MAGI2: variants seen among roughly 807,000 people sequenced by gnomAD.
The protein encoded by MAGI2 is membrane associated guanylate kinase, WW and PDZ domain containing 2, also known as membrane-associated guanylate kinase, WW and PDZ domain-containing protein 2.
In MAGI2, 35 loss-of-function variants were observed where a neutral mutation model predicts 133.3. The observed-to-expected ratio is 0.26, with a 90% CI of 0.20 to 0.35. The LOEUF (loss-of-function observed/expected upper bound fraction) is 0.35, where lower values mean the gene tolerates loss of function less well. Among genes scored for constraint, MAGI2 ranks in the 10% least tolerant of loss-of-function variants. The pLI is 1.00. For synonymous variants in MAGI2, 729 were observed against 710.6 expected, an observed-to-expected ratio of 1.03 and a Z score of -0.41; for missense variants, 1,636 against 1,863.4, an observed-to-expected ratio of 0.88 and a Z score of 2.25.
intron 1 of MAGI2, among the ~76,000 whole-genome samples, chr7:79,020,871 CCTT>C (rs1388912888): frequency 1.1e-4 from 16 of 152,170 alleles, no homozygotes; most frequent in African/African-American, 3.6e-4. Context: ...CACAGCAGCT[CCTT>C]CCATCACAGG....
At chr7:78,390,240 C>T (rs1047378434) in intron 6 of MAGI2, among the ~76,000 whole-genome samples, 1 of 152,042 alleles carries the variant, frequency 6.6e-6, no homozygotes, top group Non-Finnish European at 1.5e-5. Context: ...ATCATGTTTT[C>T]AGGAAAATAC....
At position 79,382,822 on chromosome 7, in the gene MAGI2, A is replaced by T. The variant is rs1843893583; in HGVS notation, c.301+70198T>A. 2.0e-5 allele frequency among the ~76,000 whole-genome samples: 3 copies of T among 151,466 alleles called. No homozygotes were observed. The Admixed American group carries it at 2.0e-4, about 10-fold the overall frequency. On this transcript the variant is annotated intron_variant, in intron 1 of 21. Transcript: ENST00000354212. ...TCTGGTCAAATTGCTGACCCCTTGA[A>T]CCTTAGGTCTTCTCAGATTATAAAT...
intron 3 of MAGI2, among the ~76,000 whole-genome samples, chr7:78,552,652 T>G (rs1198422918): frequency 2.0e-5 from 3 of 152,176 alleles, no homozygotes; most frequent in African/African-American, 7.2e-5. Context: ...GTAAATTGCT[T>G]ATTTTAAAAA....
chr7:78,374,349 T>C (rs1435035633), intron 6 of MAGI2, among the ~76,000 whole-genome samples: 1 of 152,128 alleles, frequency 6.6e-6, no homozygotes, highest in Non-Finnish European at 1.5e-5. Context: ...TGTTGGCCAC[T>C]TGTATGTCTT....
In MAGI2 at chr7:78,497,766, T is replaced by TCTATCTATCTGTCTGTCTATCTATCTA. The variant is rs1385517709; in HGVS notation, c.965+3810_965+3811insTAGATAGATAGACAGACAGATAGATAG. 2.7e-3 allele frequency among the ~76,000 whole-genome samples: 372 copies of TCTATCTATCTGTCTGTCTATCTATCTA among 135,416 alleles called. 4 individuals are homozygous for TCTATCTATCTGTCTGTCTATCTATCTA. Among genetic ancestry groups the TCTATCTATCTGTCTGTCTATCTATCTA allele is most frequent in the African/African-American group, 9.5e-3 (357 of 37,528 alleles). 88.8% of individuals were successfully genotyped at this position (135,416 alleles called of 152,430 possible). A position where few individuals can be genotyped will look rare whatever the true frequency, so the allele number is the denominator to read the frequency against. On this transcript the variant is annotated intron_variant, in intron 5 of 21. Coordinates refer to ENST00000354212, the MANE Select transcript of MAGI2 (RefSeq NM_012301.4). Reference sequence around the variant, plus strand: ...TATCTATCTATCTATCTATCTATCTTTCTATCTTATACACAGAACCAAAGA... The same window carrying TCTATCTATCTGTCTGTCTATCTATCTA: ...TATCTATCTATCTATCTATCTATCTTCTATCTATCTGTCTGTCTATCTATCTATCTATCTTATACACAGAACCAAAGA...
chr7:78,175,456 G>T (rs1327068145), intron 14 of MAGI2, among the ~76,000 whole-genome samples: 1 of 152,148 alleles, frequency 6.6e-6, no homozygotes, highest in African/African-American at 2.4e-5. Flanking sequence ...TGAGCCTTGG[G>T]GAACTTGCTC....
chr7:78,240,160 T>G (rs1369747276), intron 10 of MAGI2, among the ~76,000 whole-genome samples: 1 of 152,178 alleles, frequency 6.6e-6, no homozygotes, highest in African/African-American at 2.4e-5. Context: ...TAGGCCCCAG[T>G]GTGTGATGTT....
chr7:78,381,382 T>C (rs1190481080), intron 6 of MAGI2, among the ~76,000 whole-genome samples: 2 of 146,678 alleles, frequency 1.4e-5, no homozygotes, highest in Non-Finnish European at 3.0e-5. Flanking sequence ...ACAACATGAG[T>C]ACTAGGGGTA....
chr7:79,394,259 A>C (rs1456701331), intron 1 of MAGI2, among the ~76,000 whole-genome samples: 1 of 152,160 alleles, frequency 6.6e-6, no homozygotes, highest in Non-Finnish European at 1.5e-5. Flanking sequence ...ATGAGCCCCT[A>C]TGCTTAGAGC....
chr7:79,171,620 C>T (rs554185945), intron 1 of MAGI2, among the ~76,000 whole-genome samples: 130 of 150,042 alleles, frequency 8.7e-4, no homozygotes, highest in Non-Finnish European at 1.6e-3. Flanking sequence ...AATATATACT[C>T]TATGGTCATA....
intron 2 of MAGI2, among the ~76,000 whole-genome samples, chr7:78,838,406 C>A (rs925512139): frequency 6.6e-6 from 1 of 151,906 alleles, no homozygotes; most frequent in Non-Finnish European, 1.5e-5. Context: ...CACTGTTACA[C>A]CAACTGGCTT....
intron 2 of MAGI2, among the ~76,000 whole-genome samples, chr7:78,917,496 T>C (rs1300276979): frequency 6.6e-6 from 1 of 152,120 alleles, no homozygotes; most frequent in Non-Finnish European, 1.5e-5. Flanking sequence ...GTCCTTGTGA[T>C]GTCTAGGATG....
At chr7:79,271,666 A>ATT (rs71518912) in intron 1 of MAGI2, among the ~76,000 whole-genome samples, 76,336 of 141,644 alleles carry the variant, frequency 0.54, 23,121 homozygotes, top group Non-Finnish European at 0.67. Context: ...GGTGTGAGTG[A>ATT]TTTTTTTTTT....
At chr7:78,649,437 G>A (rs545266795) in intron 2 of MAGI2, among the ~76,000 whole-genome samples, 4 of 151,962 alleles carry the variant, frequency 2.6e-5, no homozygotes, top group South Asian at 2.1e-4. Flanking sequence ...CAATCATGGC[G>A]AAATTTCAAC....
chr7:79,378,729 A>G (rs1843545559), intron 1 of MAGI2, among the ~76,000 whole-genome samples: 1 of 151,278 alleles, frequency 6.6e-6, no homozygotes, highest in Non-Finnish European at 1.5e-5. Context: ...TTCAATATAC[A>G]TTTATTAAGT....
intron 1 of MAGI2, among the ~76,000 whole-genome samples, chr7:79,304,936 A>T (rs1837668486): frequency 6.6e-6 from 1 of 152,196 alleles, no homozygotes; most frequent in Admixed American, 6.5e-5. Context: ...TGGCTGGGTA[A>T]CGGAAGTCTA....
intron 20 of MAGI2, among the ~76,000 whole-genome samples, chr7:78,083,783 C>T (rs187643223): frequency 2.0e-5 from 3 of 152,290 alleles, no homozygotes; most frequent in African/African-American, 7.2e-5. Context: ...TTGGGGCTTT[C>T]CAGGTAAAAA....
chr7:78,317,185 T>C (rs1013293023), intron 9 of MAGI2, among the ~76,000 whole-genome samples: 2 of 152,246 alleles, frequency 1.3e-5, no homozygotes, highest in Admixed American at 6.5e-5. Flanking sequence ...TTAGCTATTA[T>C]ACTCTCATAA....
At chr7:78,664,540 G>C (rs967220916) in intron 2 of MAGI2, among the ~76,000 whole-genome samples, 2 of 151,814 alleles carry the variant, frequency 1.3e-5, no homozygotes, top group African/African-American at 4.8e-5. Flanking sequence ...TTATGCACTA[G>C]TATGTTTTTC....
Sources: gnomAD v4.1 joint callset for allele counts (sites outside exome capture counted in the v4.1 genomes callset) on GRCh38, gnomAD v4.1.1 for gene constraint, MANE v1.5 for transcripts, NCBI Gene and HGNC (gene_info 2026-07-23, HGNC 2026-07-21) for gene names.